Variants in GPC5 observed in about 807,000 individuals in gnomAD.
GPC5 encodes glypican-5.
GPC5 carries 47 observed loss-of-function variants against 53.9 expected under a neutral mutation model. The observed-to-expected ratio is 0.87, with a 90% CI of 0.69 to 1.11. The LOEUF (loss-of-function observed/expected upper bound fraction) is 1.11, where lower values mean the gene tolerates loss of function less well. Among genes scored for constraint, GPC5 ranks in the 50% most tolerant of loss-of-function variants. The pLI is 0.00. For synonymous variants in GPC5, 286 were observed against 263.3 expected (o/e 1.09, Z -0.84); for missense variants, 748 against 713.1 (o/e 1.05, Z -0.56).
chr13:92,470,341 G>A (rs2139420921), intron 7 of GPC5, among the ~76,000 whole-genome samples: 1 of 152,128 alleles, frequency 6.6e-6, no homozygotes, highest in East Asian at 1.9e-4. Flanking sequence ...TAACATAATT[G>A]AACACGATAT....
intron 7 of GPC5, among the ~76,000 whole-genome samples, chr13:92,454,729 G>A (rs920726912): frequency 2.0e-5 from 3 of 152,078 alleles, no homozygotes; most frequent in East Asian, 1.9e-4. Flanking sequence ...TGTCCTCACC[G>A]ATGATGAAAA....
At chr13:92,736,165 T>C (rs969046673) in intron 7 of GPC5, among the ~76,000 whole-genome samples, 4 of 152,040 alleles carry the variant, frequency 2.6e-5, no homozygotes, top group African/African-American at 9.7e-5. Context: ...TATGTCTTTG[T>C]TTACTTCTAT....
rs2040093907 is a variant in GPC5 at position 91,958,367 on chromosome 13, G to A, written c.1401+50310G>A. Among the ~76,000 whole-genome samples the A allele has an allele frequency of 2.0e-5, 3 of 151,912 alleles. No individual in the cohort carries two copies. In the South Asian group the frequency reaches 6.2e-4, roughly 31 times the overall value. Reference sequence around the variant, plus strand: ...CTAAACATATGTGCGCCCAAGGTCAGAGCACCCAGATATTTAAAGTATATT... The same window carrying A: ...CTAAACATATGTGCGCCCAAGGTCAAAGCACCCAGATATTTAAAGTATATT... On this transcript the variant is annotated intron_variant, in intron 6 of 7. Coordinates refer to ENST00000377067, the MANE Select transcript of GPC5 (RefSeq NM_004466.6).
intron 2 of GPC5, among the ~76,000 whole-genome samples, chr13:91,621,366 A>C (rs1439052112): frequency 6.6e-6 from 1 of 152,104 alleles, no homozygotes; most frequent in Non-Finnish European, 1.5e-5. Flanking sequence ...GGTTCAAGTG[A>C]GGTTAACCTC....
At chr13:92,109,878 A>G (rs1325661247) in intron 6 of GPC5, among the ~76,000 whole-genome samples, 4 of 152,272 alleles carry the variant, frequency 2.6e-5, no homozygotes, top group East Asian at 1.9e-4. Context: ...GGCTTATACT[A>G]TGTTGTATAT....
intron 7 of GPC5, among the ~76,000 whole-genome samples, chr13:92,159,435 G>A (rs188104339): frequency 1.1e-4 from 16 of 152,134 alleles, no homozygotes; most frequent in Admixed American, 2.0e-4. Flanking sequence ...AATTTGGGGC[G>A]GGGACTCAGG....
At chr13:92,792,298 G>A (rs905083199) in intron 7 of GPC5, among the ~76,000 whole-genome samples, 1 of 152,180 alleles carries the variant, frequency 6.6e-6, no homozygotes, top group Admixed American at 6.6e-5. Flanking sequence ...TTCATATCCA[G>A]CCAAATCAAG....
chr13:91,592,130 A>G (rs896901910), intron 2 of GPC5, among the ~76,000 whole-genome samples: 1 of 152,146 alleles, frequency 6.6e-6, no homozygotes, highest in Non-Finnish European at 1.5e-5. Flanking sequence ...ATGTTTTTAG[A>G]TGGCCAAGAC....
rs150186529 is a variant in GPC5 at position 92,184,909 on chromosome 13, A to G, written c.1561+39920A>G. Among the ~76,000 whole-genome samples, 920 of 152,364 alleles carry G rather than the reference A, an allele frequency of 6.0e-3. 8 individuals carry two copies. Among genetic ancestry groups the G allele is most frequent in the Non-Finnish European group, 9.2e-3 (626 of 68,022 alleles). Reference sequence around the variant, plus strand: ...ACAAAGCCATGTCTAGTAATGTGCCAGGGTTGGGCAAACACACAACAGTGA... The same window carrying G: ...ACAAAGCCATGTCTAGTAATGTGCCGGGGTTGGGCAAACACACAACAGTGA... On this transcript the variant is annotated intron_variant, in intron 7 of 7. Coordinates refer to ENST00000377067, the MANE Select transcript of GPC5 (RefSeq NM_004466.6).
intron 6 of GPC5, among the ~76,000 whole-genome samples, chr13:91,943,492 A>T (rs1157941453): frequency 6.6e-6 from 1 of 152,076 alleles, no homozygotes; most frequent in East Asian, 1.9e-4. Flanking sequence ...GATGGAATTG[A>T]GTTTGGTGTA....
intron 7 of GPC5, among the ~76,000 whole-genome samples, chr13:92,233,226 A>G (rs2042544113): frequency 6.6e-6 from 1 of 152,246 alleles, no homozygotes; most frequent in Non-Finnish European, 1.5e-5. Flanking sequence ...ATGTATAGGA[A>G]GAGATGAAAA....
At chr13:91,725,431 G>A (rs946751642) in intron 3 of GPC5, among the ~76,000 whole-genome samples, 6 of 152,250 alleles carry the variant, frequency 3.9e-5, no homozygotes, top group African/African-American at 1.2e-4. Flanking sequence ...CTCACCTCTA[G>A]GGAGCTGAGG....
intron 7 of GPC5, among the ~76,000 whole-genome samples, chr13:92,425,230 G>A (rs1487322102): frequency 4.0e-5 from 6 of 151,846 alleles, no homozygotes; most frequent in Admixed American, 1.3e-4. Context: ...TTTAAAATTT[G>A]TATTTTGGTA....
chr13:92,454,033 C>A (rs930460313), intron 7 of GPC5, among the ~76,000 whole-genome samples: 17 of 152,154 alleles, frequency 1.1e-4, no homozygotes, highest in African/African-American at 3.9e-4. Context: ...AACCCTCTAA[C>A]TATATCCCAT....
intron 7 of GPC5, among the ~76,000 whole-genome samples, chr13:92,483,371 T>C (rs148338946): frequency 7.6e-4 from 115 of 152,284 alleles, no homozygotes; most frequent in African/African-American, 2.7e-3. Context: ...TACTGAATAG[T>C]GTAGGCAATT....
At chr13:91,519,025 C>T (rs1046882777) in intron 2 of GPC5, among the ~76,000 whole-genome samples, 2 of 152,134 alleles carry the variant, frequency 1.3e-5, no homozygotes, top group Admixed American at 6.6e-5. Flanking sequence ...GTTTGAAATA[C>T]GGGACGTGTG....
chr13:91,673,860 CTT>C (rs2035307090), intron 2 of GPC5, among the ~76,000 whole-genome samples: 1 of 152,104 alleles, frequency 6.6e-6, no homozygotes, highest in African/African-American at 2.4e-5. Context: ...TTTCTTTCCT[CTT>C]CTTTTACTCT....
chr13:91,719,724 T>G (rs958683588), intron 3 of GPC5, among the ~76,000 whole-genome samples: 1 of 152,240 alleles, frequency 6.6e-6, no homozygotes, highest in Non-Finnish European at 1.5e-5. Flanking sequence ...GATGGACTTA[T>G]GGGTGTTTTT....
intron 7 of GPC5, among the ~76,000 whole-genome samples, chr13:92,506,703 C>G (rs1028267592): frequency 6.6e-6 from 1 of 152,122 alleles, no homozygotes; most frequent in Non-Finnish European, 1.5e-5. Context: ...GTAGGAAGCT[C>G]TTCTACTTTG....
Sources: gnomAD v4.1 joint callset for allele counts (sites outside exome capture counted in the v4.1 genomes callset) on GRCh38, gnomAD v4.1.1 for gene constraint, MANE v1.5 for transcripts, NCBI Gene and HGNC (gene_info 2026-07-23, HGNC 2026-07-21) for gene names.